Variants in TBCK observed in about 807,000 individuals in gnomAD.
The protein encoded by TBCK is TBC1 domain containing kinase, also known as TBC domain-containing protein kinase-like protein.
Under a neutral mutation model 113.4 loss-of-function variants are expected in TBCK, and 99 were observed. That is an observed-to-expected ratio of 0.87 (90% CI 0.74 to 1.03). TBCK has a LOEUF of 1.03. Among genes scored for constraint, TBCK ranks in the 50% least tolerant of loss-of-function variants. The probability of loss-of-function intolerance (pLI) is 0.00; values close to 1 mark genes in which losing one functional copy is unlikely to be tolerated. For synonymous variants in TBCK, 369 were observed against 370.8 expected (o/e 1.00, Z 0.05); for missense variants, 1,045 against 1,061.3 (o/e 0.98, Z 0.21).
intron 22 of TBCK, among the ~76,000 whole-genome samples, chr4:106,172,981 C>T (rs1751213353): frequency 6.6e-6 from 1 of 152,102 alleles, no homozygotes; most frequent in Non-Finnish European, 1.5e-5. Context: ...TCTTTTGTTA[C>T]TTCCTAACTT....
intron 23 of TBCK, among the ~76,000 whole-genome samples, chr4:106,122,540 C>T (rs980315059): frequency 2.8e-4 from 42 of 152,166 alleles, no homozygotes; most frequent in Non-Finnish European, 5.3e-4. Flanking sequence ...CCAGCATCAT[C>T]CTGATACCAA....
intron 23 of TBCK, among the ~76,000 whole-genome samples, chr4:106,127,226 A>G (rs867467573): frequency 6.3e-4 from 96 of 151,396 alleles, no homozygotes; most frequent in Admixed American, 9.2e-4. Flanking sequence ...AAAAAAAAAA[A>G]AAGAAGTTAG....
intron 25 of TBCK, among the ~76,000 whole-genome samples, chr4:106,073,919 G>T (rs1001665140): frequency 2.0e-5 from 3 of 152,212 alleles, no homozygotes; most frequent in African/African-American, 7.2e-5. Context: ...GACCCACTGA[G>T]CCAGGCACAG....
intron 11 of TBCK, among the ~76,000 whole-genome samples, chr4:106,243,509 A>T (rs1194640569): frequency 6.6e-6 from 1 of 152,124 alleles, no homozygotes; most frequent in African/African-American, 2.4e-5. Flanking sequence ...TTTCTACTTA[A>T]TTCAATGTAT....
intron 22 of TBCK, among the ~76,000 whole-genome samples, chr4:106,182,015 C>T (rs1391933614): frequency 1.3e-5 from 2 of 152,080 alleles, no homozygotes; most frequent in African/African-American, 4.8e-5. Context: ...GAATGTTTTT[C>T]CATTGGTTTG....
At chr4:106,049,279 T>C (rs1734547174) in intron 25 of TBCK, among the ~76,000 whole-genome samples, 2 of 152,038 alleles carry the variant, frequency 1.3e-5, no homozygotes, top group South Asian at 2.1e-4. Flanking sequence ...ACAATTAATA[T>C]GAAGTAGTAT....
At chr4:106,279,466 T>G (rs993905517) in intron 3 of TBCK, among the ~76,000 whole-genome samples, 4 of 152,190 alleles carry the variant, frequency 2.6e-5, no homozygotes, top group Admixed American at 2.0e-4. Flanking sequence ...AACAATCCAA[T>G]TATACTATTT....
chr4:106,140,652 A>T lies in TBCK; in HGVS notation c.2236-24274T>A, dbSNP rs1041825023. 9.9e-5 allele frequency among the ~76,000 whole-genome samples: 14 copies of T among 140,902 alleles called. 3 individuals are homozygous for T. Among genetic ancestry groups the T allele is most frequent in the Non-Finnish European group, 1.6e-4 (10 of 61,962 alleles). 92.4% of individuals were successfully genotyped at this position (140,902 alleles called of 152,430 possible). On this transcript the variant is annotated intron_variant, in intron 23 of 25. Transcript: ENST00000394708. Reference sequence around the variant, plus strand: ...TGTCTTAGTTTTAAATTTAACTGAAATTTATTATTTAACTTTGGCTGAAAA... The same window carrying T: ...TGTCTTAGTTTTAAATTTAACTGAATTTTATTATTTAACTTTGGCTGAAAA...
In TBCK at chr4:106,202,137, G is replaced by T. The variant is rs1243884761; in HGVS notation, c.1861-7383C>A. Among the ~76,000 whole-genome samples, 16 of 151,324 alleles carry T rather than the reference G, an allele frequency of 1.1e-4. No individual in the cohort carries two copies. In the East Asian group the frequency reaches 3.1e-3, roughly 30 times the overall value. On this transcript the variant is annotated intron_variant, in intron 20 of 25. Transcript: ENST00000394708. ...TGGAAAAGTATTTTAACAAGCCAAAGTTCTGAGGTAACCTCATTAAGTCAT... is the reference window on the plus strand; with the variant it reads ...TGGAAAAGTATTTTAACAAGCCAAATTTCTGAGGTAACCTCATTAAGTCAT...
intron 3 of TBCK, among the ~76,000 whole-genome samples, chr4:106,286,679 T>G (rs28600674): frequency 0.064 from 9,710 of 151,916 alleles, 365 homozygotes; most frequent in Non-Finnish European, 0.082. Flanking sequence ...AATAAAAAAA[T>G]AGCCATGTAT....
In TBCK at chr4:106,072,398, T is replaced by C. The variant is rs574104490; in HGVS notation, c.2571+23084A>G. Reference sequence around the variant, plus strand: ...ATGAAATTCTGGGTTGAAAATTCTTTTCTTTGAGAATGTTGAATATTGGCC... The same window carrying C: ...ATGAAATTCTGGGTTGAAAATTCTTCTCTTTGAGAATGTTGAATATTGGCC... On this transcript the variant is annotated intron_variant, in intron 25 of 25. Coordinates refer to ENST00000394708, the MANE Select transcript of TBCK (RefSeq NM_001163435.3). Among the ~76,000 whole-genome samples, 12 of 152,342 alleles carry C rather than the reference T, an allele frequency of 7.9e-5. No homozygotes were observed. In the East Asian group the frequency reaches 2.3e-3, roughly 29 times the overall value.
At chr4:106,179,090 G>A (rs188215412) in intron 22 of TBCK, among the ~76,000 whole-genome samples, 1 of 151,996 alleles carries the variant, frequency 6.6e-6, no homozygotes, top group East Asian at 1.9e-4. Context: ...GCATTCTGTA[G>A]TAAAATGTCT....
At chr4:106,280,091 A>G (rs1224817178) in intron 3 of TBCK, among the ~76,000 whole-genome samples, 2 of 152,036 alleles carry the variant, frequency 1.3e-5, no homozygotes, top group Non-Finnish European at 2.9e-5. Context: ...CCTTGCCAAC[A>G]TTTATTCTTG....
chr4:106,287,322 C>G (rs772025030), intron 3 of TBCK, among the ~76,000 whole-genome samples: 3 of 152,008 alleles, frequency 2.0e-5, no homozygotes, highest in Non-Finnish European at 2.9e-5. Context: ...TTTAAGAATT[C>G]CAGATATTTT....
chr4:106,130,504 T>A (rs982112415), intron 23 of TBCK, among the ~76,000 whole-genome samples: 18 of 151,908 alleles, frequency 1.2e-4, no homozygotes, highest in Admixed American at 9.2e-4. Context: ...GTTCAGGATA[T>A]ATTATTAAGG....
intron 25 of TBCK, among the ~76,000 whole-genome samples, chr4:106,073,590 A>G (rs1284102970): frequency 6.6e-6 from 1 of 152,148 alleles, no homozygotes; most frequent in Non-Finnish European, 1.5e-5. Context: ...CACTTGAGGC[A>G]GTTTTTCCAT....
intron 23 of TBCK, among the ~76,000 whole-genome samples, 166 bp downstream of exon 23, chr4:106,170,929 T>C (rs1422511671): frequency 6.6e-6 from 1 of 152,106 alleles, no homozygotes; most frequent in African/African-American, 2.4e-5. Context: ...ACCAAATAGA[T>C]ATAATGGTTT....
intron 19 of TBCK, 137 bp downstream of exon 19, chr4:106,230,226 T>C (rs1758704817): frequency 2.3e-6 from 1 of 431,632 alleles, no homozygotes; most frequent in Admixed American, 4.1e-5. Context: ...AACTTTCTAA[T>C]TTCTCTTTAT....
chr4:106,082,922 G>A (rs7662592), intron 25 of TBCK, among the ~76,000 whole-genome samples: 42,671 of 152,162 alleles, frequency 0.28, 6,248 homozygotes, highest in Middle Eastern at 0.34. Flanking sequence ...CCAGCCAGGG[G>A]AAACTGTGCT....
Sources: gnomAD v4.1 joint callset for allele counts (sites outside exome capture counted in the v4.1 genomes callset) on GRCh38, gnomAD v4.1.1 for gene constraint, MANE v1.5 for transcripts, NCBI Gene and HGNC (gene_info 2026-07-23, HGNC 2026-07-21) for gene names.